ZNF469: variants seen among roughly 807,000 people sequenced by gnomAD.
ZNF469 encodes the protein zinc finger protein 469.
ZNF469 carries 1 observed loss-of-function variant against 1.0 expected under a neutral mutation model. The ratio of observed to expected loss-of-function variants is 1.00; its 90% CI spans 0.35 to 4.73. The LOEUF is 4.73. Ranked by LOEUF, ZNF469 falls within the 30% of genes most tolerant of loss-of-function variation. The pLI, the probability that ZNF469 is intolerant of heterozygous loss-of-function variation, is 0.16. For synonymous variants in ZNF469, 2,703 were observed against 2,363.4 expected, an observed-to-expected ratio of 1.14 and a Z score of -4.17; for missense variants, 6,100 against 5,356.3, an observed-to-expected ratio of 1.14 and a Z score of -4.33.
the ZNF469 span, among the ~76,000 whole-genome samples, chr16:88,236,330 G>A: frequency 6.6e-6 from 1 of 152,236 alleles, no homozygotes. Context: ...GTCATGTGAT[G>A]TTATACTAGA....
the ZNF469 span, chr16:88,178,706 C>CT: frequency 7.9e-5 from 12 of 152,228 alleles, no homozygotes; most frequent in Non-Finnish European, 1.6e-4. Context: ...AGACTTGGGC[C>CT]TTCCCACATA....
chr16:88,182,260 A>G, the ZNF469 span, among the ~76,000 whole-genome samples: 2 of 152,300 alleles, frequency 1.3e-5, no homozygotes, highest in East Asian at 3.9e-4. Context: ...TACCATGTTC[A>G]TGGATTTGAG....
At chr16:88,136,241 G>A in the ZNF469 span, among the ~76,000 whole-genome samples, 12 of 152,290 alleles carry the variant, frequency 7.9e-5, no homozygotes, top group East Asian at 9.6e-4. Flanking sequence ...CACCTCCAGT[G>A]TTGTCTTCCA....
chr16:88,115,979 C>T, the ZNF469 span, among the ~76,000 whole-genome samples: 2 of 152,196 alleles, frequency 1.3e-5, no homozygotes, highest in Non-Finnish European at 2.9e-5. Flanking sequence ...TCCAGGGTGG[C>T]CTCCCCATCT....
intron 1 of ZNF469, among the ~76,000 whole-genome samples, chr16:88,394,643 C>T (rs1189736282): frequency 1.3e-5 from 2 of 152,316 alleles, no homozygotes; most frequent in African/African-American, 4.8e-5. Context: ...CCTCTGCCGC[C>T]TGGTGAGCTT....
the ZNF469 span, among the ~76,000 whole-genome samples, chr16:88,325,881 C>T: frequency 6.6e-6 from 1 of 152,254 alleles, no homozygotes; most frequent in African/African-American, 2.4e-5. Context: ...TGCTCTGCCC[C>T]CTTAGACCTG....
chr16:88,338,799 C>T, the ZNF469 span, among the ~76,000 whole-genome samples: 1 of 152,162 alleles, frequency 6.6e-6, no homozygotes, highest in African/African-American at 2.4e-5. Flanking sequence ...GCACAGGCCA[C>T]AGGCCAAGAG....
At chr16:88,199,423 C>A in the ZNF469 span, among the ~76,000 whole-genome samples, 1 of 152,222 alleles carries the variant, frequency 6.6e-6, no homozygotes, top group Non-Finnish European at 1.5e-5. Context: ...CCCACATGTC[C>A]CTGGTCTTCA....
At chr16:88,348,581 TG>T in the ZNF469 span, among the ~76,000 whole-genome samples, 10 of 151,618 alleles carry the variant, frequency 6.6e-5, no homozygotes, top group Non-Finnish European at 2.9e-5. Flanking sequence ...GTACAGGGAG[TG>T]GGGGTCCAAC....
At chr16:88,206,186 A>G in the ZNF469 span, among the ~76,000 whole-genome samples, 1 of 152,148 alleles carries the variant, frequency 6.6e-6, no homozygotes, top group Non-Finnish European at 1.5e-5. Flanking sequence ...TCCAGCCGGG[A>G]TAGGACTTGT....
intron 1 of ZNF469, among the ~76,000 whole-genome samples, chr16:88,416,341 A>G (rs377110362): frequency 5.3e-5 from 8 of 152,160 alleles, no homozygotes; most frequent in Admixed American, 2.0e-4. Flanking sequence ...CTCGAAGTTC[A>G]CTTACGCTAT....
intron 1 of ZNF469, among the ~76,000 whole-genome samples, chr16:88,409,389 GC>G (rs1597196566): frequency 1.3e-5 from 2 of 152,236 alleles, no homozygotes; most frequent in African/African-American, 4.8e-5. Context: ...AAGCGGGAGG[GC>G]AGCAGCCAGG....
chr16:88,148,690 G>A, the ZNF469 span, among the ~76,000 whole-genome samples: 1 of 152,160 alleles, frequency 6.6e-6, no homozygotes, highest in Non-Finnish European at 1.5e-5. Flanking sequence ...TCTGGGCTTG[G>A]CAACCCTGTC....
chr16:88,344,938 G>A, the ZNF469 span, among the ~76,000 whole-genome samples: 28 of 152,342 alleles, frequency 1.8e-4, 1 homozygote, highest in East Asian at 3.3e-3. Context: ...GGTGTCAAGC[G>A]TGTGGCCCCG....
the ZNF469 span, among the ~76,000 whole-genome samples, chr16:88,303,082 C>T: frequency 6.6e-6 from 1 of 152,164 alleles, no homozygotes; most frequent in Non-Finnish European, 1.5e-5. Context: ...GGCTGAAGGA[C>T]AGGTTCCCTA....
the ZNF469 span, among the ~76,000 whole-genome samples, chr16:88,208,701 TAAGAC>T: frequency 5.6e-3 from 832 of 148,680 alleles, 10 homozygotes; most frequent in African/African-American, 0.02. Context: ...CACGCACAGA[TAAGAC>T]AAGATAGGAC....
rs1278230482 is a variant in ZNF469, at chr16:88,430,203, C to T, written c.2733C>T (p.Pro911=). 1 of 1,546,186 alleles carries T rather than the reference C, an allele frequency of 6.5e-7. No homozygotes were observed. The highest frequency in any genetic ancestry group is 8.7e-7 in the Non-Finnish European group (1 of 1,144,792). ...CAGCCACGCCGGACCCCCAAACCCC[C>T]CGCCCTGGGGACAGGGGCTGCCCAG... ...LPAATPDPQT[P]RPGDRGCPAR... is the part of the protein sequence containing the mutation. Residue 911 remains proline, a synonymous_variant, in exon 3 of 3, where the codon CCC becomes CCT. Transcript: ENST00000565624.
At chr16:88,328,975 C>CG in the ZNF469 span, among the ~76,000 whole-genome samples, 1 of 152,296 alleles carries the variant, frequency 6.6e-6, no homozygotes, top group East Asian at 1.9e-4. Flanking sequence ...ATGTTCTCCA[C>CG]GGGGTCCCGA....
At chr16:88,378,072 C>T (rs73255413), upstream of ZNF469, among the ~76,000 whole-genome samples, 11 of 152,084 alleles carry the variant, frequency 7.2e-5, no homozygotes, top group Non-Finnish European at 1.2e-4. Flanking sequence ...CTGTCCTAGA[C>T]GCCCCAAGAT....
Sources: allele counts gnomAD v4.1 joint callset (sites outside exome capture counted in the v4.1 genomes callset), GRCh38; gene constraint gnomAD v4.1.1; transcripts MANE v1.5; gene names NCBI Gene and HGNC (gene_info 2026-07-23, HGNC 2026-07-21).